The following BMPR2 variants were observed in gnomAD, a reference collection of about 807,000 sequenced individuals.
BMPR2 encodes bone morphogenetic protein receptor type-2.
BMPR2 carries 29 observed loss-of-function variants against 100.8 expected under a neutral mutation model. The ratio of observed to expected loss-of-function variants is 0.29; its 90% confidence interval spans 0.21 to 0.39. The LOEUF (loss-of-function observed/expected upper bound fraction) is 0.39. Among genes scored for constraint, BMPR2 ranks in the 10% least tolerant of loss-of-function variants. The pLI is 1.00. For synonymous variants in BMPR2, 382 were observed against 442.3 expected (o/e 0.86, Z 1.71); for missense variants, 1,011 against 1,274.5 (o/e 0.79, Z 3.15).
In BMPR2 at chr2:202,556,350, A is replaced by G; in HGVS notation, c.2685A>G (p.Leu895=). Residue 895 remains leucine (L), a synonymous_variant, in exon 12 of 13, where the codon CTA becomes CTG. Transcript: ENST00000374580. The part of the protein sequence containing the change: ...DRLVDRRERP[L]EGGRTNSNNN... ...TTGTGGACAGGAGGGAACGGCCACT[A>G]GAAGGTGGCCGAACTAATTCCAATA... 1 of 1,614,230 alleles carries G rather than the reference A, an allele frequency of 6.2e-7. No homozygotes were observed.
rs1038246446 is a variant in BMPR2, at chr2:202,376,821, A to G, written c.-654A>G. ...CTCAGCCTTCGCCAGGGCCTCCCCAACCCTCTCACGGTTGTTCTGCGAAGG... is the reference window on the plus strand; with the variant it reads ...CTCAGCCTTCGCCAGGGCCTCCCCAGCCCTCTCACGGTTGTTCTGCGAAGG... On this transcript the variant is annotated 5_prime_UTR_variant, in exon 1 of 13. Transcript: ENST00000374580. 12 of 401,990 alleles carry G rather than the reference A, an allele frequency of 3.0e-5. No homozygotes were observed. Among genetic ancestry groups the G allele is most frequent in the South Asian group, 1.3e-4 (1 of 7,544 alleles). The allele number at this position is 401,990 out of a possible 1,614,324, so 24.9% of individuals were successfully genotyped here. A position where few individuals can be genotyped will look rare whatever the true frequency, so the allele number is the denominator to read the frequency against.
intron 1 of BMPR2, among the ~76,000 whole-genome samples, chr2:202,416,302 T>C (rs1029722545): frequency 3.3e-5 from 5 of 151,126 alleles, no homozygotes; most frequent in African/African-American, 9.7e-5. Context: ...GGTCTCACTC[T>C]TGCCCAGGCT....
intron 1 of BMPR2, among the ~76,000 whole-genome samples, chr2:202,428,406 C>CT (rs1353526956): frequency 7.3e-4 from 70 of 95,560 alleles, no homozygotes; most frequent in African/African-American, 1.7e-3. Context: ...TTCTCTCTCT[C>CT]TTTTTTTTTT....
intron 3 of BMPR2, among the ~76,000 whole-genome samples, chr2:202,494,595 G>A (rs920301533): frequency 1.3e-5 from 2 of 152,172 alleles, no homozygotes; most frequent in Admixed American, 6.5e-5. Flanking sequence ...ACATAGTAGT[G>A]TTTACATTTG....
rs1688686736 is a variant in BMPR2, at chr2:202,562,117, C to G, written c.*2171C>G. On this transcript the variant is annotated 3_prime_UTR_variant, in exon 13 of 13. Transcript: ENST00000374580. ...ATATTCTTTTCAAATATTTGTAGGA[C>G]AACTTTGAATCAAAATAAATTATGT... is the stretch of plus-strand genomic sequence containing the variant. 1 of 152,080 alleles carries G rather than the reference C, an allele frequency of 6.6e-6. No homozygotes were observed. Among genetic ancestry groups the G allele is most frequent in the African/African-American group, 2.4e-5 (1 of 41,406 alleles). The allele number at this position is 152,080 out of a possible 1,614,324, so 9.4% of individuals were successfully genotyped here.
intron 1 of BMPR2, among the ~76,000 whole-genome samples, chr2:202,425,724 CTT>C (rs1691371615): frequency 6.6e-6 from 1 of 152,064 alleles, no homozygotes. Flanking sequence ...TTTAAAAAAT[CTT>C]TATGTGAAAA....
At chr2:202,470,213 A>G (rs1439045246) in intron 3 of BMPR2, among the ~76,000 whole-genome samples, 1 of 151,964 alleles carries the variant, frequency 6.6e-6, no homozygotes, top group East Asian at 1.9e-4. Flanking sequence ...GTGCTGGTGC[A>G]TGCCTGTAAT....
At chr2:202,392,215 G>A (rs781104255) in intron 1 of BMPR2, among the ~76,000 whole-genome samples, 21 of 151,932 alleles carry the variant, frequency 1.4e-4, no homozygotes, top group Non-Finnish European at 2.9e-4. Context: ...GGATTAAAGC[G>A]CCTGCCATCA....
chr2:202,459,092 C>G (rs1293971360), intron 1 of BMPR2, among the ~76,000 whole-genome samples: 6 of 152,008 alleles, frequency 3.9e-5, no homozygotes, highest in African/African-American at 9.7e-5. Flanking sequence ...ATTGAGTGCA[C>G]TCTCTTCTTT....
At chr2:202,552,017 G>A (rs903095743) in intron 10 of BMPR2, among the ~76,000 whole-genome samples, 6 of 152,050 alleles carry the variant, frequency 3.9e-5, no homozygotes, top group Non-Finnish European at 5.9e-5. Flanking sequence ...ACCACACCCA[G>A]CTGATTTTTG....
chr2:202,546,245 A>G (rs561408579), intron 10 of BMPR2, among the ~76,000 whole-genome samples: 1 of 152,364 alleles, frequency 6.6e-6, no homozygotes, highest in Non-Finnish European at 1.5e-5. Context: ...TTATAAAAAG[A>G]GAGAAATGCA....
chr2:202,487,887 T>C (rs1186860361), intron 3 of BMPR2, among the ~76,000 whole-genome samples: 3 of 152,278 alleles, frequency 2.0e-5, no homozygotes, highest in African/African-American at 7.2e-5. Flanking sequence ...TTTTTGTAAT[T>C]TTAGGAGAGA....
chr2:202,504,586 G>A (rs1374825286), intron 3 of BMPR2, among the ~76,000 whole-genome samples: 1 of 151,984 alleles, frequency 6.6e-6, no homozygotes. Flanking sequence ...CCTGAAGTCA[G>A]TGAGACCAAG....
Position 202,380,771 on chromosome 2 carries a change from C to T in BMPR2, c.76+3221C>T, listed in dbSNP as rs192802938. 2.0e-3 allele frequency among the ~76,000 whole-genome samples: 298 copies of T among 151,586 alleles called. 1 individual carries two copies. The highest frequency in any genetic ancestry group is 6.6e-3 in the African/African-American group (271 of 41,346). On this transcript the variant is annotated intron_variant, in intron 1 of 12. Coordinates refer to ENST00000374580, the MANE Select transcript of BMPR2 (RefSeq NM_001204.7). ...GGTAGCTGGGATTACAGGCATGTGC[C>T]ACCACTCCTGGCTAATTTTGTATTG...
At chr2:202,430,751 G>A (rs1691486048) in intron 1 of BMPR2, among the ~76,000 whole-genome samples, 1 of 150,562 alleles carries the variant, frequency 6.6e-6, no homozygotes, top group Non-Finnish European at 1.5e-5. Context: ...CCTGAGGTCA[G>A]GAGTTCAAGA....
At chr2:202,554,400 C>G (rs1688528036) in intron 11 of BMPR2, among the ~76,000 whole-genome samples, 1 of 152,182 alleles carries the variant, frequency 6.6e-6, no homozygotes, top group African/African-American at 2.4e-5. Flanking sequence ...CTTCTCATCT[C>G]CAGTCTCTAC....
At chr2:202,462,529 T>C (rs1464581553) in intron 1 of BMPR2, among the ~76,000 whole-genome samples, 10 of 152,018 alleles carry the variant, frequency 6.6e-5, no homozygotes, top group African/African-American at 2.4e-4. Flanking sequence ...TAGTAACCAC[T>C]GTTTATCTAT....
intron 7 of BMPR2, among the ~76,000 whole-genome samples, chr2:202,527,802 AT>A (rs1287316816): frequency 4.6e-5 from 7 of 151,946 alleles, no homozygotes; most frequent in Non-Finnish European, 8.8e-5. Flanking sequence ...TCAAAAAAAA[AT>A]AATAATAAAA....
At chr2:202,490,940 T>C (rs1306144530) in intron 3 of BMPR2, among the ~76,000 whole-genome samples, 1 of 152,158 alleles carries the variant, frequency 6.6e-6, no homozygotes, top group Admixed American at 6.5e-5. Context: ...GTTTTTTGTT[T>C]TTTGTTTTTG....
Sources: gnomAD v4.1 joint callset for allele counts (sites outside exome capture counted in the v4.1 genomes callset) on GRCh38, gnomAD v4.1.1 for gene constraint, MANE v1.5 for transcripts, NCBI Gene and HGNC (gene_info 2026-07-23, HGNC 2026-07-21) for gene names.